TMEM131L: variants seen among roughly 807,000 people sequenced by gnomAD.
TMEM131L encodes the protein transmembrane protein 131-like.
In TMEM131L, 54 loss-of-function variants were observed where a neutral mutation model predicts 192.2. The ratio of observed to expected loss-of-function variants is 0.28; its 90% confidence interval spans 0.23 to 0.35. The LOEUF is 0.35. Among genes scored for constraint, TMEM131L ranks in the 10% least tolerant of loss-of-function variants. The pLI, the probability that TMEM131L is intolerant of heterozygous loss-of-function variation, is 1.00. For synonymous variants in TMEM131L, 701 were observed against 704.9 expected (o/e 0.99, Z 0.09); for missense variants, 1,888 against 1,972.9 (o/e 0.96, Z 0.82).
rs772189224 is a variant in TMEM131L at position 153,602,282 on chromosome 4, G to T, written c.2397G>T (p.Val799=). 22 of 1,613,704 alleles carry T rather than the reference G, an allele frequency of 1.4e-5. No individual in the cohort carries two copies. The South Asian group carries it at 2.4e-4, about 18-fold the overall frequency. ...ACTGCCAAGGTTATGGATTCGAGGTGCTGGATTGTCATCAGTTTTCCCTGG... is the reference window on the plus strand; with the variant it reads ...ACTGCCAAGGTTATGGATTCGAGGTTCTGGATTGTCATCAGTTTTCCCTGG... ...GYNCQGYGFE[V]LDCHQFSLDP... is the part of the protein sequence containing the mutation. Residue 799 remains valine, a synonymous_variant, in exon 22 of 35, where the codon GTG becomes GTT. Transcript: ENST00000409959.
chr4:153,526,336 C>T (rs1735480404), intron 3 of TMEM131L, among the ~76,000 whole-genome samples: 1 of 152,140 alleles, frequency 6.6e-6, no homozygotes, highest in African/African-American at 2.4e-5. Flanking sequence ...ATCATTTATC[C>T]CTAACTTCAA....
chr4:153,586,842 A>G (rs1239821018), intron 14 of TMEM131L, among the ~76,000 whole-genome samples: 1 of 152,220 alleles, frequency 6.6e-6, no homozygotes, highest in Non-Finnish European at 1.5e-5. Flanking sequence ...AAAGATTCAC[A>G]GTTAAGAAAA....
At position 153,466,437 on chromosome 4, in the gene TMEM131L, C is replaced by A. The variant is rs1422762587; in HGVS notation, c.40C>A (p.Arg14Ser). The A allele has an allele frequency of 1.1e-5, 16 of 1,410,718 alleles. No individual in the cohort carries two copies. In the East Asian group the frequency reaches 3.9e-4, roughly 35 times the overall value. The allele number at this position is 1,410,718 out of a possible 1,614,324, so 87.4% of individuals were successfully genotyped here. The change falls in exon 1 of 35, where the codon CGC (arginine) becomes AGC (serine). Residue 14 changes from arginine (R) to serine (S), a missense_variant. Arg to Ser is a moderately radical substitution (Grantham distance 110). Transcript: ENST00000409959. The stretch of plus-strand genomic sequence containing the variant: ...ACGCCCGCAGCCCGGCTGCTACTGC[C>A]GCACCGCGGCGGCCGTGAACCTCCT... ...LRRPQPGCYC[R>S]TAAAVNLLLG...
chr4:153,488,726 A>C (rs979655784), intron 3 of TMEM131L, among the ~76,000 whole-genome samples: 24 of 152,302 alleles, frequency 1.6e-4, no homozygotes, highest in African/African-American at 5.5e-4. Flanking sequence ...CGGCTTTAGA[A>C]CAACAGAATT....
At chr4:153,528,208 G>A (rs1343828348) in intron 3 of TMEM131L, among the ~76,000 whole-genome samples, 1 of 152,136 alleles carries the variant, frequency 6.6e-6, no homozygotes, top group Non-Finnish European at 1.5e-5. Flanking sequence ...TTATTTAGTC[G>A]TAAAAATGGA....
chr4:153,534,696 G>A (rs1736178537), intron 3 of TMEM131L, among the ~76,000 whole-genome samples: 1 of 152,198 alleles, frequency 6.6e-6, no homozygotes, highest in African/African-American at 2.4e-5. Flanking sequence ...GCCTCCCAAT[G>A]TGCTAGGATT....
At chr4:153,541,387 G>A (rs1341980963) in intron 3 of TMEM131L, among the ~76,000 whole-genome samples, 1 of 152,216 alleles carries the variant, frequency 6.6e-6, no homozygotes, top group Non-Finnish European at 1.5e-5. Flanking sequence ...GGGGGTGAGG[G>A]ACAGATTTCT....
At position 153,605,143 on chromosome 4, in the gene TMEM131L, T is replaced by C. The variant is rs976478245; in HGVS notation, c.3418+713T>C. Among the ~76,000 whole-genome samples, 5 of 152,372 alleles carry C rather than the reference T, an allele frequency of 3.3e-5. No individual in the cohort carries two copies. In the East Asian group the frequency reaches 9.6e-4, roughly 29 times the overall value. ...AGGTTGCCTGGCCCTGGTTCTTCTC[T>C]AATTGTATTCCTTGGTTAAAAGAAG... On this transcript the variant is annotated intron_variant, in intron 25 of 34. Coordinates refer to ENST00000409959, the MANE Select transcript of TMEM131L (RefSeq NM_001131007.2).
chr4:153,487,642 A>G (rs1237403708), intron 3 of TMEM131L, among the ~76,000 whole-genome samples: 4 of 151,324 alleles, frequency 2.6e-5, no homozygotes, highest in Admixed American at 6.6e-5. Context: ...ACAGGGTGGT[A>G]TGTGTATTCA....
intron 2 of TMEM131L, among the ~76,000 whole-genome samples, chr4:153,469,396 T>C (rs1259229254): frequency 6.6e-6 from 1 of 152,080 alleles, no homozygotes; most frequent in African/African-American, 2.4e-5. Context: ...TGAAGAAAGT[T>C]ATTTTAAGTG....
chr4:153,571,271 C>T (rs754435158), intron 7 of TMEM131L, among the ~76,000 whole-genome samples: 5 of 152,148 alleles, frequency 3.3e-5, no homozygotes, highest in African/African-American at 4.8e-5. Context: ...GCCTGGTTCT[C>T]CTTTAATGGT....
intron 27 of TMEM131L, 122 bp from the exon 28 acceptor site, chr4:153,621,561 A>T: frequency 2.3e-6 from 2 of 877,546 alleles, no homozygotes; most frequent in South Asian, 3.5e-5. Flanking sequence ...ACCCAAAGAG[A>T]GGAGGACTCC....
At chr4:153,566,899 C>A (rs769456236) in intron 7 of TMEM131L, among the ~76,000 whole-genome samples, 5 of 152,226 alleles carry the variant, frequency 3.3e-5, no homozygotes, top group Non-Finnish European at 7.3e-5. Context: ...AAAACTGGCA[C>A]AGCCCTTGCT....
intron 14 of TMEM131L, among the ~76,000 whole-genome samples, chr4:153,587,452 T>C (rs891629961): frequency 2.0e-5 from 3 of 152,122 alleles, no homozygotes; most frequent in African/African-American, 7.2e-5. Context: ...AGTGCAGCCA[T>C]GTGATCATAA....
At chr4:153,579,432 AAG>A (rs373761006) in intron 7 of TMEM131L, among the ~76,000 whole-genome samples, 125 of 152,358 alleles carry the variant, frequency 8.2e-4, no homozygotes, top group African/African-American at 3.0e-3. Flanking sequence ...ATTTCTTTAA[AAG>A]AGTGTTTAAT....
At chr4:153,485,379 G>A (rs922104504) in intron 3 of TMEM131L, among the ~76,000 whole-genome samples, 8 of 152,102 alleles carry the variant, frequency 5.3e-5, no homozygotes, top group Middle Eastern at 3.2e-3. Context: ...AATGATACAT[G>A]CATGTTGGAT....
In TMEM131L at chr4:153,587,775, T is replaced by C; in HGVS notation, c.1516T>C (p.Cys506Arg). The part of the protein sequence containing the change: ...GSLGFEVIAH[C>R]GMHYFMGKSK... Reference sequence around the variant, plus strand: ...TCTGGGTTTTGAAGTGATAGCACATTGTGGCATGCATTATTTCATGGGAAA... The same window carrying C: ...TCTGGGTTTTGAAGTGATAGCACATCGTGGCATGCATTATTTCATGGGAAA... Residue 506 changes from cysteine (C) to arginine (R), a missense_variant, in exon 15 of 35, where the codon TGT (cysteine) becomes CGT (arginine). Physicochemically the swap from Cys to Arg is radical, Grantham distance 180. Transcript: ENST00000409959. 1 of 1,613,668 alleles carries C rather than the reference T, an allele frequency of 6.2e-7. No homozygotes were observed.
chr4:153,611,829 A>T (rs113235051), intron 25 of TMEM131L, among the ~76,000 whole-genome samples: 1 of 152,220 alleles, frequency 6.6e-6, no homozygotes, highest in Admixed American at 6.5e-5. Flanking sequence ...TGAAAAAACC[A>T]TCTTGACCAT....
intron 10 of TMEM131L, 65 bp from the exon 11 acceptor site, chr4:153,583,499 C>T: frequency 9.2e-7 from 1 of 1,091,716 alleles, no homozygotes; most frequent in South Asian, 1.3e-5. Flanking sequence ...TCTAACGGTT[C>T]ATTCAAACTG....
Sources: gnomAD v4.1 joint callset for allele counts (sites outside exome capture counted in the v4.1 genomes callset) on GRCh38, gnomAD v4.1.1 for gene constraint, MANE v1.5 for transcripts, NCBI Gene and HGNC (gene_info 2026-07-23, HGNC 2026-07-21) for gene names.